CCDC60: variants seen among roughly 807,000 people sequenced by gnomAD.
CCDC60 encodes coiled-coil domain-containing protein 60.
A neutral mutation model predicts 63.5 loss-of-function variants in CCDC60; 54 were observed. The observed-to-expected ratio is 0.85, with a 90% CI of 0.68 to 1.07. The LOEUF (loss-of-function observed/expected upper bound fraction) is 1.07. CCDC60 is among the 50% of genes least tolerant of loss of function. CCDC60 has a pLI of 0.00. For synonymous variants in CCDC60, 206 were observed against 238.8 expected, an observed-to-expected ratio of 0.86 and a Z score of 1.27; for missense variants, 651 against 684.3, an observed-to-expected ratio of 0.95 and a Z score of 0.54.
intron 1 of CCDC60, among the ~76,000 whole-genome samples, chr12:119,408,800 G>A (rs1409584865): frequency 6.6e-6 from 1 of 151,812 alleles, no homozygotes; most frequent in Non-Finnish European, 1.5e-5. Flanking sequence ...ACTCCAGCCT[G>A]GGTGACAGAG....
At chr12:119,458,517 A>C (rs1209037379) in intron 2 of CCDC60, among the ~76,000 whole-genome samples, 1 of 152,178 alleles carries the variant, frequency 6.6e-6, no homozygotes, top group Non-Finnish European at 1.5e-5. Context: ...CCATAATAGA[A>C]AGGTTGAACA....
chr12:119,356,696 A>T (rs1301292216), intron 1 of CCDC60, among the ~76,000 whole-genome samples: 2 of 152,192 alleles, frequency 1.3e-5, no homozygotes, highest in Admixed American at 1.3e-4. Flanking sequence ...TAAAATTCCT[A>T]GCAATGCAAA....
intron 1 of CCDC60, among the ~76,000 whole-genome samples, chr12:119,391,121 A>G (rs1956150226): frequency 6.6e-6 from 1 of 152,366 alleles, no homozygotes; most frequent in South Asian, 2.1e-4. Context: ...GAGATGAACC[A>G]AATTCAAGAA....
chr12:119,472,714 G>T (rs1487988487), intron 3 of CCDC60, among the ~76,000 whole-genome samples: 1 of 151,550 alleles, frequency 6.6e-6, no homozygotes, highest in Non-Finnish European at 1.5e-5. Flanking sequence ...CCAAGTAGCT[G>T]GGATTACAGG....
chr12:119,416,176 G>T (rs1337461240), intron 1 of CCDC60, among the ~76,000 whole-genome samples: 1 of 152,178 alleles, frequency 6.6e-6, no homozygotes, highest in African/African-American at 2.4e-5. Context: ...GAGGTCAGGA[G>T]TTCGAGACCA....
chr12:119,389,400 T>C (rs1419096019), intron 1 of CCDC60, among the ~76,000 whole-genome samples: 1 of 152,176 alleles, frequency 6.6e-6, no homozygotes, highest in African/African-American at 2.4e-5. Flanking sequence ...AGAGACTGTA[T>C]ACCCCCAAAA....
At chr12:119,398,882 A>G (rs551873005) in intron 1 of CCDC60, among the ~76,000 whole-genome samples, 8 of 152,210 alleles carry the variant, frequency 5.3e-5, no homozygotes, top group Non-Finnish European at 7.3e-5. Flanking sequence ...GCACACACTA[A>G]ATGCCAGGTA....
chr12:119,383,057 T>C lies in CCDC60; in HGVS notation c.91-45626T>C, dbSNP rs927874868. On this transcript the variant is annotated intron_variant, in intron 1 of 13. Coordinates refer to ENST00000327554, the MANE Select transcript of CCDC60 (RefSeq NM_178499.5). ...GCCACTGCACTGGAAATTAAATTAA[T>C]TAAAGAAATTAAATAATTGATCAAA... 2.0e-5 allele frequency among the ~76,000 whole-genome samples: 3 copies of C among 152,100 alleles called. No homozygotes were observed. In the East Asian group the frequency reaches 5.8e-4, roughly 29 times the overall value.
At chr12:119,433,729 T>G in intron 2 of CCDC60, 1 of 616,576 alleles carries the variant, frequency 1.6e-6, no homozygotes, top group South Asian at 2.0e-5. Flanking sequence ...TACTGTCTCT[T>G]GGATTTTTGT....
chr12:119,540,695 C>T lies in CCDC60; in HGVS notation c.1633C>T (p.Pro545Ser). ...GAGCCGGATCAACATACCCATTGGGCCCTACAGCGCCCTGAGGTAGGCTGG... is the reference window on the plus strand; with the variant it reads ...GAGCCGGATCAACATACCCATTGGGTCCTACAGCGCCCTGAGGTAGGCTGG... ...LQSRINIPIG[P>S]YSALR Residue 545 changes from proline (P) to serine (S), a missense_variant, in exon 14 of 14, where the codon CCC becomes TCC. Pro to Ser is a moderately conservative substitution (Grantham distance 74, BLOSUM62 -1). Coordinates refer to ENST00000327554, the MANE Select transcript of CCDC60 (RefSeq NM_178499.5). 2 of 1,613,522 alleles carry T rather than the reference C, an allele frequency of 1.2e-6. No homozygotes were observed. Among genetic ancestry groups the T allele is most frequent in the Non-Finnish European group, 8.5e-7 (1 of 1,179,790 alleles).
At chr12:119,368,902 G>C (rs183883576) in intron 1 of CCDC60, among the ~76,000 whole-genome samples, 1 of 152,272 alleles carries the variant, frequency 6.6e-6, no homozygotes, top group South Asian at 2.1e-4. Flanking sequence ...TAACCTGATC[G>C]TTTCGTAGTT....
intron 7 of CCDC60, among the ~76,000 whole-genome samples, chr12:119,509,499 A>G (rs1195390878): frequency 6.6e-6 from 1 of 152,156 alleles, no homozygotes. Context: ...AATGACAACA[A>G]TCAACTGGAG....
intron 11 of CCDC60, among the ~76,000 whole-genome samples, chr12:119,525,496 C>A (rs547475968): frequency 1.2e-4 from 19 of 152,322 alleles, no homozygotes; most frequent in African/African-American, 4.6e-4. Context: ...CTATATTCAA[C>A]ATTCTTAAAG....
At chr12:119,356,546 C>T (rs1028097909) in intron 1 of CCDC60, among the ~76,000 whole-genome samples, 1 of 152,088 alleles carries the variant, frequency 6.6e-6, no homozygotes, top group Admixed American at 6.5e-5. Flanking sequence ...AGAATATGAC[C>T]AGAATTATCT....
chr12:119,438,165 A>G (rs1950364265), intron 2 of CCDC60, among the ~76,000 whole-genome samples: 2 of 152,124 alleles, frequency 1.3e-5, no homozygotes, highest in Non-Finnish European at 2.9e-5. Context: ...GTAGTTAACC[A>G]TAGTTTTAGG....
chr12:119,473,286 G>C (rs1951103037), intron 3 of CCDC60, among the ~76,000 whole-genome samples: 1 of 152,184 alleles, frequency 6.6e-6, no homozygotes, highest in Non-Finnish European at 1.5e-5. Flanking sequence ...AAGGCAGCCA[G>C]GGAGGAAATG....
At chr12:119,384,937 T>G (rs950040428) in intron 1 of CCDC60, among the ~76,000 whole-genome samples, 2 of 152,112 alleles carry the variant, frequency 1.3e-5, no homozygotes, top group African/African-American at 4.8e-5. Flanking sequence ...AAACATTGAG[T>G]GGGGGGGCTG....
rs573983574 is a variant in CCDC60, at chr12:119,489,052, C to A, written c.557+186C>A. Among the ~76,000 whole-genome samples, 5 of 152,298 alleles carry A rather than the reference C, an allele frequency of 3.3e-5. No homozygotes were observed. In the South Asian group the frequency reaches 8.3e-4, roughly 25 times the overall value. ...GACAGCTTATGCAGATTCGTGGGAGCCGGTTGTGTGCATCTCCTTCCCACA... is the reference window on the plus strand; with the variant it reads ...GACAGCTTATGCAGATTCGTGGGAGACGGTTGTGTGCATCTCCTTCCCACA... On this transcript the variant is annotated intron_variant, in intron 5 of 13. Coordinates refer to ENST00000327554, the MANE Select transcript of CCDC60 (RefSeq NM_178499.5).
At chr12:119,490,076 G>A (rs542918406) in intron 5 of CCDC60, among the ~76,000 whole-genome samples, 8 of 152,224 alleles carry the variant, frequency 5.3e-5, no homozygotes, top group Admixed American at 2.6e-4. Context: ...GATTACAGGC[G>A]TGAGCCACCG....
Sources: gnomAD v4.1 joint callset for allele counts (sites outside exome capture counted in the v4.1 genomes callset) on GRCh38, gnomAD v4.1.1 for gene constraint, MANE v1.5 for transcripts, NCBI Gene and HGNC (gene_info 2026-07-23, HGNC 2026-07-21) for gene names.